The following ARSG variants were observed in gnomAD, a reference collection of about 807,000 sequenced individuals.
ARSG encodes the protein arylsulfatase G, also known as ASG.
ARSG carries 37 observed loss-of-function variants against 50.5 expected under a neutral mutation model. That is an observed-to-expected ratio of 0.73 (90% CI 0.56 to 0.96). ARSG has a LOEUF of 0.96. Among genes scored for constraint, ARSG ranks in the 50% least tolerant of loss-of-function variants. The probability of loss-of-function intolerance (pLI) is 0.00; values close to 1 mark genes in which losing one functional copy is unlikely to be tolerated. For missense variants in ARSG, 629 were observed against 675.3 expected, an observed-to-expected ratio of 0.93 and a Z score of 0.76; for synonymous variants, 225 against 254.6, an observed-to-expected ratio of 0.88 and a Z score of 1.11.
intron 1 of ARSG, among the ~76,000 whole-genome samples, chr17:68,303,072 C>T (rs1176791429): frequency 6.6e-6 from 1 of 152,082 alleles, no homozygotes; most frequent in African/African-American, 2.4e-5. Flanking sequence ...TCTTTTCTTC[C>T]TTTGTTCTAG....
intron 9 of ARSG, among the ~76,000 whole-genome samples, chr17:68,391,031 CAG>C (rs1314646824): frequency 4.6e-5 from 7 of 151,510 alleles, no homozygotes; most frequent in African/African-American, 1.7e-4. Context: ...CCGAAACGAA[CAG>C]GGGAAGCTTT....
At chr17:68,366,190 C>T (rs967487345) in intron 6 of ARSG, among the ~76,000 whole-genome samples, 6 of 151,910 alleles carry the variant, frequency 3.9e-5, no homozygotes, top group East Asian at 3.9e-4. Flanking sequence ...CCGCCTGCCT[C>T]GGCCTCCCAA....
chr17:68,368,413 A>G (rs1039222691), intron 6 of ARSG, 135 bp from the exon 7 acceptor site: 3 of 726,948 alleles, frequency 4.1e-6, no homozygotes, highest in Non-Finnish European at 6.8e-6. Context: ...AAGATTCTGG[A>G]TAAATGTGTC....
intron 6 of ARSG, among the ~76,000 whole-genome samples, chr17:68,363,840 G>A (rs188937067): frequency 1.3e-5 from 2 of 152,148 alleles, no homozygotes. Flanking sequence ...GTGATGCCAG[G>A]GTCTAGTGGA....
At chr17:68,447,491 C>T in the ARSG span, among the ~76,000 whole-genome samples, 1 of 152,160 alleles carries the variant, frequency 6.6e-6, no homozygotes, top group African/African-American at 2.4e-5. Context: ...AAACGATCCT[C>T]CTGCCTCAGC....
At chr17:68,346,860 T>C (rs1253064598) in intron 3 of ARSG, 1 of 1,410,522 alleles carries the variant, frequency 7.1e-7, no homozygotes, top group South Asian at 1.2e-5. Context: ...AGGCTCAGGC[T>C]TCTCCGGGCT....
chr17:68,356,813 T>G lies in ARSG; in HGVS notation c.704+9T>G. On this transcript the variant is annotated intron_variant, in intron 6 of 11. Transcript: ENST00000621439. Reference sequence around the variant, plus strand: ...TTCATCCAGCGTGCAAGGTGAGGAGTCTCCCTCCCTCCGCAGGGCCTCCCC... The same window carrying G: ...TTCATCCAGCGTGCAAGGTGAGGAGGCTCCCTCCCTCCGCAGGGCCTCCCC... 1 of 1,613,478 alleles carries G rather than the reference T, an allele frequency of 6.2e-7. No individual in the cohort carries two copies.
At chr17:68,288,706 G>T (rs782778443), upstream of ARSG, among the ~76,000 whole-genome samples, 45 of 152,160 alleles carry the variant, frequency 3.0e-4, no homozygotes, top group Non-Finnish European at 5.7e-4. Context: ...GCCTTTGACC[G>T]TCACTTGCTT....
At chr17:68,364,354 T>TTTG (rs969270133) in intron 6 of ARSG, among the ~76,000 whole-genome samples, 40 of 152,144 alleles carry the variant, frequency 2.6e-4, no homozygotes, top group Middle Eastern at 3.4e-3. Flanking sequence ...TAACCTGTTT[T>TTTG]TTGTTGTTGT....
At position 68,332,103 on chromosome 17, in the gene ARSG, C is replaced by A. The variant is rs994640456; in HGVS notation, c.219-11501C>A. The stretch of plus-strand genomic sequence containing the variant: ...CGTCCTAATAAGCCTGGGAGCACTA[C>A]GGGCGACCGGGGATTATTTCATCCT... On this transcript the variant is annotated intron_variant, in intron 2 of 11. Coordinates refer to ENST00000621439, the MANE Select transcript of ARSG (RefSeq NM_001267727.2). Among the ~76,000 whole-genome samples the A allele has an allele frequency of 5.9e-5, 9 of 152,334 alleles. No individual in the cohort carries two copies. In the South Asian group the frequency reaches 1.9e-3, roughly 32 times the overall value.
rs923958450 is a variant in ARSG, at chr17:68,356,761, CAG to C, written c.663_664del (p.Lys222ValfsTer3). The C allele has an allele frequency of 1.9e-6, 3 of 1,614,146 alleles. No homozygotes were observed. Among genetic ancestry groups the C allele is most frequent in the Non-Finnish European group, 1.7e-6 (2 of 1,180,030 alleles). The stretch of plus-strand genomic sequence containing the variant: ...GCCGGTGAACTTGAGCAGCCTTGCC[CAG>C]AAGTATGCTGAGAAAGCAACCCAGT... ...EQPVNLSSLA[Q>X]KYAEKATQFI... On this transcript the variant is annotated frameshift_variant, in exon 6 of 12. Transcript: ENST00000621439. LOFTEE classifies it high-confidence loss of function.
Position 68,385,308 on chromosome 17 carries a change from C to T in ARSG, c.1091+136C>T, listed in dbSNP as rs573447173. ...GAGGCCTCAGGAAGGTCATTCACCA[C>T]TTGCCTTTGCCGGGTGTTCCCAGAC... On this transcript the variant is annotated intron_variant, in intron 9 of 11. Transcript: ENST00000621439. 272 of 677,920 alleles carry T rather than the reference C, an allele frequency of 4.0e-4. 4 individuals carry two copies. The South Asian group carries it at 4.5e-3, about 11-fold the overall frequency. 42.0% of individuals were successfully genotyped at this position (677,920 alleles called of 1,614,324 possible).
At chr17:68,372,297 G>A (rs536674623) in intron 8 of ARSG, among the ~76,000 whole-genome samples, 1 of 152,076 alleles carries the variant, frequency 6.6e-6, no homozygotes, top group Admixed American at 6.6e-5. Context: ...TCAATTGATC[G>A]ATCGATCGAT....
the ARSG span, chr17:68,436,359 C>T: frequency 9.3e-6 from 15 of 1,610,570 alleles, no homozygotes; most frequent in Non-Finnish European, 1.2e-5. Context: ...TGGGTTGGCT[C>T]AGCCAGGTCA....
chr17:68,343,160 T>A lies in ARSG; in HGVS notation c.219-444T>A, dbSNP rs562191894. Among the ~76,000 whole-genome samples, 5 of 152,250 alleles carry A rather than the reference T, an allele frequency of 3.3e-5. No homozygotes were observed. The East Asian group carries it at 9.6e-4, about 29-fold the overall frequency. The stretch of plus-strand genomic sequence containing the variant: ...TCCTATTTCCTTTTTTTGTTTTGTT[T>A]TGTTTTCTTTTTTGAGATGGAGTCT... On this transcript the variant is annotated intron_variant, in intron 2 of 11. Transcript: ENST00000621439.
intron 2 of ARSG, among the ~76,000 whole-genome samples, chr17:68,323,224 G>A (rs2077365398): frequency 6.6e-6 from 1 of 152,010 alleles, no homozygotes; most frequent in Non-Finnish European, 1.5e-5. Flanking sequence ...TATAAGATTA[G>A]CATTATTATC....
At chr17:68,333,266 G>A (rs995578227) in intron 2 of ARSG, among the ~76,000 whole-genome samples, 1 of 152,192 alleles carries the variant, frequency 6.6e-6, no homozygotes, top group African/African-American at 2.4e-5. Context: ...AGCTTGCAGC[G>A]AAGGGAGATC....
At chr17:68,427,846 G>C in the ARSG span, among the ~76,000 whole-genome samples, 1 of 152,186 alleles carries the variant, frequency 6.6e-6, no homozygotes, top group Non-Finnish European at 1.5e-5. Context: ...CAGCAGGAGA[G>C]CTCAGTCTGT....
At chr17:68,325,133 G>GCTT (rs782326069) in intron 2 of ARSG, among the ~76,000 whole-genome samples, 15 of 152,196 alleles carry the variant, frequency 9.9e-5, no homozygotes, top group Non-Finnish European at 1.8e-4. Flanking sequence ...TGTGAGTGAA[G>GCTT]CTTCATCTGT....
Sources: gnomAD v4.1 joint callset for allele counts (sites outside exome capture counted in the v4.1 genomes callset) on GRCh38, gnomAD v4.1.1 for gene constraint, MANE v1.5 for transcripts, NCBI Gene and HGNC (gene_info 2026-07-23, HGNC 2026-07-21) for gene names.